Variants in AKAP19 observed in about 807,000 individuals in gnomAD.
AKAP19 encodes the protein A-kinase anchoring protein 19.
the AKAP19 span, among the ~76,000 whole-genome samples, chr2:190,187,438 GT>G: frequency 2.3e-5 from 3 of 130,666 alleles, no homozygotes; most frequent in African/African-American, 9.7e-5. Flanking sequence ...CTGGTTTTGT[GT>G]TTGGGTCCAA....
the AKAP19 span, among the ~76,000 whole-genome samples, chr2:189,894,909 A>G: frequency 2.6e-5 from 4 of 151,720 alleles, no homozygotes; most frequent in African/African-American, 9.7e-5. Flanking sequence ...TTAACCAAAA[A>G]GTACCAATTA....
chr2:190,103,824 GA>G, the AKAP19 span, among the ~76,000 whole-genome samples: 1 of 152,006 alleles, frequency 6.6e-6, no homozygotes, highest in South Asian at 2.1e-4. Flanking sequence ...CACAGAATTA[GA>G]AAAAAATTCT....
the AKAP19 span, chr2:189,917,268 A>C: frequency 4.4e-6 from 6 of 1,363,628 alleles, no homozygotes; most frequent in East Asian, 1.5e-4. Flanking sequence ...TCGCTGTCTG[A>C]GCAAATCAGT....
At chr2:190,014,070 C>T in the AKAP19 span, among the ~76,000 whole-genome samples, 2 of 152,086 alleles carry the variant, frequency 1.3e-5, no homozygotes, top group African/African-American at 4.8e-5. Flanking sequence ...CTATAAATGT[C>T]TCTCTTAGAA....
At chr2:190,108,142 T>G in the AKAP19 span, among the ~76,000 whole-genome samples, 1 of 151,944 alleles carries the variant, frequency 6.6e-6, no homozygotes, top group Non-Finnish European at 1.5e-5. Flanking sequence ...TTTATTATTG[T>G]AAAAAAATTC....
At chr2:189,924,929 A>G in the AKAP19 span, among the ~76,000 whole-genome samples, 2 of 152,184 alleles carry the variant, frequency 1.3e-5, no homozygotes, top group Non-Finnish European at 2.9e-5. Context: ...TCATTATGGT[A>G]TGAGTTATAC....
the AKAP19 span, among the ~76,000 whole-genome samples, chr2:189,944,894 C>A: frequency 1.4e-4 from 22 of 152,210 alleles, 1 homozygote; most frequent in Admixed American, 1.4e-3. Flanking sequence ...TATCAAGTAT[C>A]TTTTCTGACC....
the AKAP19 span, among the ~76,000 whole-genome samples, chr2:189,967,636 A>C: frequency 6.6e-6 from 1 of 152,234 alleles, no homozygotes; most frequent in Middle Eastern, 3.4e-3. Flanking sequence ...AAATGATCCT[A>C]TATAAAAGAT....
chr2:189,961,077 A>C, the AKAP19 span, among the ~76,000 whole-genome samples: 1 of 152,184 alleles, frequency 6.6e-6, no homozygotes, highest in South Asian at 2.1e-4. Context: ...ATTCTGCCTC[A>C]TTAGGTTTCA....
At chr2:189,897,403 C>G in the AKAP19 span, among the ~76,000 whole-genome samples, 10 of 152,042 alleles carry the variant, frequency 6.6e-5, no homozygotes, top group Non-Finnish European at 1.5e-4. Flanking sequence ...TTACAGTTAA[C>G]TTTCTATTAA....
the AKAP19 span, among the ~76,000 whole-genome samples, chr2:189,965,136 C>T: frequency 6.6e-6 from 1 of 152,038 alleles, no homozygotes; most frequent in African/African-American, 2.4e-5. Context: ...AATATTGTTG[C>T]ATCTTAGGGT....
chr2:189,952,521 G>A, the AKAP19 span, among the ~76,000 whole-genome samples: 4 of 152,082 alleles, frequency 2.6e-5, no homozygotes, highest in East Asian at 7.7e-4. Flanking sequence ...CAAGAATTTA[G>A]CTCTTTTATT....
the AKAP19 span, among the ~76,000 whole-genome samples, chr2:189,951,194 C>CTTTTTTT: frequency 5.0e-5 from 3 of 60,406 alleles, no homozygotes; most frequent in African/African-American, 6.6e-5. Context: ...CTGAATCCTC[C>CTTTTTTT]TTTTTTTTTT....
chr2:189,944,005 G>C, the AKAP19 span, among the ~76,000 whole-genome samples: 24 of 152,296 alleles, frequency 1.6e-4, no homozygotes, highest in East Asian at 2.3e-3. Context: ...TCTCAGAAGA[G>C]ACTTTGGACT....
chr2:189,889,836 T>C, the AKAP19 span, among the ~76,000 whole-genome samples: 1 of 152,208 alleles, frequency 6.6e-6, no homozygotes, highest in African/African-American at 2.4e-5. Context: ...TTTATTAGTC[T>C]GGCTAGTGGT....
the AKAP19 span, among the ~76,000 whole-genome samples, chr2:190,109,877 C>T: frequency 5.5e-3 from 844 of 152,288 alleles, 5 homozygotes; most frequent in African/African-American, 0.012. Context: ...CATGGTGCTA[C>T]TATTAGGTGC....
At chr2:189,923,578 T>G in the AKAP19 span, 1 of 1,614,040 alleles carries the variant, frequency 6.2e-7, no homozygotes, top group Non-Finnish European at 8.5e-7. Flanking sequence ...AGGTTTTAGA[T>G]ATTAACCTGG....
At chr2:189,883,784 C>G in the AKAP19 span, among the ~76,000 whole-genome samples, 3 of 151,926 alleles carry the variant, frequency 2.0e-5, no homozygotes. Context: ...TACTACTGAA[C>G]AGAGAATATA....
the AKAP19 span, among the ~76,000 whole-genome samples, chr2:190,008,377 C>G: frequency 6.6e-6 from 1 of 151,902 alleles, no homozygotes; most frequent in Non-Finnish European, 1.5e-5. Flanking sequence ...TTAATTTATC[C>G]CAGTATATAC....
Sources: allele counts gnomAD v4.1 joint callset (sites outside exome capture counted in the v4.1 genomes callset), GRCh38; gene constraint gnomAD v4.1.1; transcripts MANE v1.5; gene names NCBI Gene and HGNC (gene_info 2026-07-23, HGNC 2026-07-21).